The following LRPPRC variants were observed in gnomAD, a reference collection of about 807,000 sequenced individuals.
The protein encoded by LRPPRC is leucine rich pentatricopeptide repeat containing, also known as leucine-rich PPR motif-containing protein, mitochondrial.
LRPPRC carries 120 observed loss-of-function variants against 180.3 expected under a neutral mutation model. The observed-to-expected ratio is 0.67, with a 90% CI of 0.57 to 0.77. The LOEUF (loss-of-function observed/expected upper bound fraction) is 0.77, where lower values mean the gene tolerates loss of function less well. Among genes scored for constraint, LRPPRC ranks in the 30% least tolerant of loss-of-function variants. The pLI is 0.00. For synonymous variants in LRPPRC, 723 were observed against 600.0 expected, an observed-to-expected ratio of 1.21 and a Z score of -3.00; for missense variants, 2,012 against 1,657.2, an observed-to-expected ratio of 1.21 and a Z score of -3.72.
chr2:43,967,470 T>A (rs1387715715), intron 11 of LRPPRC, among the ~76,000 whole-genome samples: 1 of 152,188 alleles, frequency 6.6e-6, no homozygotes, highest in Non-Finnish European at 1.5e-5. Flanking sequence ...CTGGGAAGAA[T>A]AAATAAATAA....
intron 11 of LRPPRC, among the ~76,000 whole-genome samples, chr2:43,971,349 T>A (rs144711937): frequency 9.2e-5 from 14 of 151,908 alleles, no homozygotes; most frequent in African/African-American, 3.4e-4. Context: ...ACTAGTAAGA[T>A]GAGCCATGAG....
chr2:43,983,946 A>G (rs1485592874), intron 1 of LRPPRC, among the ~76,000 whole-genome samples: 1 of 152,182 alleles, frequency 6.6e-6, no homozygotes, highest in East Asian at 1.9e-4. Flanking sequence ...AATGGAAAAA[A>G]TCAAGATACT....
intron 23 of LRPPRC, among the ~76,000 whole-genome samples, chr2:43,940,850 C>T (rs1461501298): frequency 1.3e-5 from 2 of 152,088 alleles, no homozygotes; most frequent in Non-Finnish European, 2.9e-5. Context: ...TGACGGATTG[C>T]TGTCATCTCC....
intron 6 of LRPPRC, 123 bp from the exon 7 acceptor site, chr2:43,975,340 A>G (rs748001841): frequency 2.7e-6 from 2 of 748,070 alleles, no homozygotes; most frequent in Non-Finnish European, 4.5e-6. Context: ...ATGATGTCAG[A>G]AAAGAACTAA....
chr2:43,942,714 T>C (rs903862762), intron 23 of LRPPRC, among the ~76,000 whole-genome samples: 5 of 152,144 alleles, frequency 3.3e-5, no homozygotes, highest in African/African-American at 1.2e-4. Context: ...TTAAAATACA[T>C]ATTTTATTTT....
intron 1 of LRPPRC, among the ~76,000 whole-genome samples, chr2:43,983,175 T>C (rs1011529716): frequency 2.0e-5 from 3 of 152,190 alleles, no homozygotes. Flanking sequence ...ATGGTCAGAA[T>C]AGTACATTAT....
intron 11 of LRPPRC, among the ~76,000 whole-genome samples, chr2:43,968,834 G>C (rs7558340): frequency 6.6e-6 from 1 of 152,220 alleles, no homozygotes; most frequent in Non-Finnish European, 1.5e-5. Context: ...CTGTATTGTT[G>C]ACTTGAAATT....
At chr2:43,891,026 C>T (rs761524337) in intron 36 of LRPPRC, among the ~76,000 whole-genome samples, 3 of 152,228 alleles carry the variant, frequency 2.0e-5, no homozygotes, top group East Asian at 1.9e-4. Context: ...AGAGGTGAGA[C>T]GTTCAGCAAT....
chr2:43,927,073 A>G (rs1421387853), intron 25 of LRPPRC, among the ~76,000 whole-genome samples: 1 of 152,180 alleles, frequency 6.6e-6, no homozygotes, highest in Non-Finnish European at 1.5e-5. Flanking sequence ...AATTCCAAGG[A>G]TTTGTCACTC....
At chr2:43,962,250 T>C (rs1317790977) in intron 12 of LRPPRC, among the ~76,000 whole-genome samples, 1 of 152,070 alleles carries the variant, frequency 6.6e-6, no homozygotes, top group Non-Finnish European at 1.5e-5. Flanking sequence ...TAAGAATATG[T>C]GGGAAAGTTA....
rs529067545 is a variant in LRPPRC, at chr2:43,938,584, G to C, written c.2505-3706C>G. ...ACTACAATTTTTTCATTATTACACGGAAGAACATCCCGATAAATAAGCTTG... is the reference window on the plus strand; with the variant it reads ...ACTACAATTTTTTCATTATTACACGCAAGAACATCCCGATAAATAAGCTTG... On this transcript the variant is annotated intron_variant, in intron 23 of 37. Transcript: ENST00000260665. Among the ~76,000 whole-genome samples the C allele has an allele frequency of 1.7e-4, 26 of 152,232 alleles. 1 individual carries two copies. Among genetic ancestry groups the C allele is most frequent in the African/African-American group, 6.0e-4 (25 of 41,532 alleles).
At chr2:43,954,569 A>G (rs1673031167) in intron 14 of LRPPRC, among the ~76,000 whole-genome samples, 1 of 152,258 alleles carries the variant, frequency 6.6e-6, no homozygotes, top group African/African-American at 2.4e-5. Flanking sequence ...GGTAGTAGCT[A>G]TTAAAGAATA....
chr2:43,942,141 C>T (rs1465801891), intron 23 of LRPPRC, among the ~76,000 whole-genome samples: 1 of 152,066 alleles, frequency 6.6e-6, no homozygotes, highest in Non-Finnish European at 1.5e-5. Flanking sequence ...TTTCGGAAAG[C>T]TTTCAGGTCT....
intron 37 of LRPPRC, among the ~76,000 whole-genome samples, chr2:43,889,094 A>C (rs1670381427): frequency 6.6e-6 from 1 of 152,186 alleles, no homozygotes; most frequent in Admixed American, 6.5e-5. Flanking sequence ...AGGTGGGCGG[A>C]TCACGAGGTC....
chr2:43,940,438 A>T (rs1425619019), intron 23 of LRPPRC, among the ~76,000 whole-genome samples: 2 of 152,204 alleles, frequency 1.3e-5, no homozygotes, highest in Non-Finnish European at 2.9e-5. Flanking sequence ...CATCTTAGAG[A>T]AATTGTGACC....
At chr2:43,923,079 G>A (rs1307294025) in intron 27 of LRPPRC, among the ~76,000 whole-genome samples, 1 of 150,584 alleles carries the variant, frequency 6.6e-6, no homozygotes, top group Non-Finnish European at 1.5e-5. Flanking sequence ...ACACATAGAG[G>A]AAATTAAGGA....
At chr2:43,901,238 A>G (rs1670871349) in intron 32 of LRPPRC, 82 bp downstream of exon 32, 2 of 1,031,030 alleles carry the variant, frequency 1.9e-6, no homozygotes, top group African/African-American at 3.1e-5. Context: ...CCACATGTCT[A>G]AAAAAGTTTT....
Position 43,894,571 on chromosome 2 carries a change from G to A in LRPPRC, c.3959C>T (p.Ala1320Val). ...ATAGCTTTTCATGAGGGAATTGTAT[G>A]CTTCTTCCTTTTCATTTAATTCAGG... ...LIPELNEKEE[A>V]YNSLMKSYVS... Residue 1320 changes from alanine (A) to valine (V), a missense_variant, in exon 36 of 38, where the codon GCA becomes GTA. Coordinates refer to ENST00000260665, the MANE Select transcript of LRPPRC (RefSeq NM_133259.4). 6 of 1,556,590 alleles carry A rather than the reference G, an allele frequency of 3.9e-6. No homozygotes were observed. The highest frequency in any genetic ancestry group is 3.5e-6 in the Non-Finnish European group (4 of 1,128,038).
rs528008823 is a variant in LRPPRC at position 43,947,166 on chromosome 2, T to C, written c.2079+91A>G. On this transcript the variant is annotated intron_variant, in intron 20 of 37. Coordinates refer to ENST00000260665, the MANE Select transcript of LRPPRC (RefSeq NM_133259.4). ...ACAAGCCTGACATATAACGATCAAT[T>C]GTAAAAATCATAAATATTATATTTG... 2.9e-4 allele frequency: 190 copies of C among 650,976 alleles called. 1 individual carries two copies. Among genetic ancestry groups the C allele is most frequent in the Non-Finnish European group, 4.2e-4 (158 of 372,890 alleles). The allele number at this position is 650,976 out of a possible 1,614,324, so 40.3% of individuals were successfully genotyped here. A position where few individuals can be genotyped will look rare whatever the true frequency, so the allele number is the denominator to read the frequency against.
Sources: gnomAD v4.1 joint callset for allele counts (sites outside exome capture counted in the v4.1 genomes callset) on GRCh38, gnomAD v4.1.1 for gene constraint, MANE v1.5 for transcripts, NCBI Gene and HGNC (gene_info 2026-07-23, HGNC 2026-07-21) for gene names.